Variants in RPSA2 observed in about 807,000 individuals in gnomAD.
RPSA2 encodes ribosomal protein SA 2.
chr19:23,778,526 A>T, the RPSA2 span, among the ~76,000 whole-genome samples: 3,328 of 152,106 alleles, frequency 0.022, 130 homozygotes, highest in African/African-American at 0.076. Flanking sequence ...TCTGTTTTTT[A>T]ACCAGGGCTT....
chr19:23,838,620 T>A, the RPSA2 span, among the ~76,000 whole-genome samples: 1 of 152,216 alleles, frequency 6.6e-6, no homozygotes, highest in African/African-American at 2.4e-5. Context: ...GGTATCTAAT[T>A]CTTCCTGTTT....
the RPSA2 span, among the ~76,000 whole-genome samples, chr19:23,792,660 G>A: frequency 0.32 from 48,315 of 149,148 alleles, 8,059 homozygotes; most frequent in Non-Finnish European, 0.36. Context: ...AATTACAGGC[G>A]CGCACCACCA....
chr19:23,858,790 C>T, the RPSA2 span, among the ~76,000 whole-genome samples: 1 of 152,172 alleles, frequency 6.6e-6, no homozygotes, highest in Non-Finnish European at 1.5e-5. Flanking sequence ...ACAGTGCTGG[C>T]AAATGCTCCG....
At chr19:23,827,168 G>T in the RPSA2 span, 9 of 897,830 alleles carry the variant, frequency 1.0e-5, no homozygotes, top group Non-Finnish European at 1.6e-5. Flanking sequence ...CACAATGTCC[G>T]GAGCCCTTGA....
At chr19:23,829,524 C>A in the RPSA2 span, among the ~76,000 whole-genome samples, 1 of 152,314 alleles carries the variant, frequency 6.6e-6, no homozygotes, top group East Asian at 1.9e-4. Flanking sequence ...TAGTCTTGAA[C>A]TCCTGACTTC....
the RPSA2 span, among the ~76,000 whole-genome samples, chr19:23,825,710 C>T: frequency 6.6e-6 from 1 of 152,204 alleles, no homozygotes; most frequent in African/African-American, 2.4e-5. Flanking sequence ...CCTCAGCCTC[C>T]TATGTAGCTG....
the RPSA2 span, among the ~76,000 whole-genome samples, chr19:23,787,179 G>A: frequency 3.9e-3 from 596 of 152,172 alleles, 3 homozygotes; most frequent in African/African-American, 0.014. Context: ...ACATCGCTGG[G>A]CCCTGCATTG....
the RPSA2 span, among the ~76,000 whole-genome samples, chr19:23,854,730 G>A: frequency 1.3e-5 from 2 of 152,288 alleles, 1 homozygote; most frequent in Middle Eastern, 6.8e-3. Context: ...TGACCAAGTT[G>A]ACTGCAATTA....
chr19:23,841,774 A>G, the RPSA2 span, among the ~76,000 whole-genome samples: 1 of 152,224 alleles, frequency 6.6e-6, no homozygotes, highest in South Asian at 2.1e-4. Context: ...CCTTACACTC[A>G]GTAGCGGCTG....
the RPSA2 span, among the ~76,000 whole-genome samples, chr19:23,869,591 A>C: frequency 2.2e-4 from 33 of 152,274 alleles, no homozygotes; most frequent in Non-Finnish European, 1.3e-4. Flanking sequence ...AAATCATGAC[A>C]CAAACTTCAC....
chr19:23,813,818 G>T, the RPSA2 span, among the ~76,000 whole-genome samples: 3 of 148,016 alleles, frequency 2.0e-5, no homozygotes, highest in Non-Finnish European at 3.0e-5. Context: ...TGCCTCCCAG[G>T]TTCAAGCGAT....
At chr19:23,774,820 T>C in the RPSA2 span, among the ~76,000 whole-genome samples, 2 of 152,174 alleles carry the variant, frequency 1.3e-5, no homozygotes, top group African/African-American at 4.8e-5. Context: ...ATTGAACTTA[T>C]CCCTGACTGA....
the RPSA2 span, among the ~76,000 whole-genome samples, chr19:23,793,712 A>G: frequency 6.6e-6 from 1 of 152,106 alleles, no homozygotes; most frequent in South Asian, 2.1e-4. Context: ...ACAGGTGCCC[A>G]CCACCATCAT....
At chr19:23,800,468 T>C in the RPSA2 span, among the ~76,000 whole-genome samples, 6 of 152,302 alleles carry the variant, frequency 3.9e-5, no homozygotes, top group East Asian at 7.7e-4. Context: ...GAGGGGACTT[T>C]CCCTCTCAGG....
At chr19:23,867,559 G>A in the RPSA2 span, among the ~76,000 whole-genome samples, 2 of 152,080 alleles carry the variant, frequency 1.3e-5, no homozygotes, top group African/African-American at 4.8e-5. Flanking sequence ...GGCCGGGTGC[G>A]GTGGCTCACG....
At chr19:23,830,151 C>G in the RPSA2 span, among the ~76,000 whole-genome samples, 4 of 150,546 alleles carry the variant, frequency 2.7e-5, no homozygotes, top group Admixed American at 2.7e-4. Flanking sequence ...TAACATAGTT[C>G]TTTTTTTGAG....
At chr19:23,841,947 GT>G in the RPSA2 span, among the ~76,000 whole-genome samples, 1 of 152,054 alleles carries the variant, frequency 6.6e-6, no homozygotes, top group Non-Finnish European at 1.5e-5. Context: ...GTTTCTCTTT[GT>G]TTATACTTTG....
At chr19:23,777,878 A>G in the RPSA2 span, among the ~76,000 whole-genome samples, 1 of 152,072 alleles carries the variant, frequency 6.6e-6, no homozygotes, top group African/African-American at 2.4e-5. Flanking sequence ...CCTTCCAGTG[A>G]TATTGTGACA....
chr19:23,772,674 G>A, the RPSA2 span, among the ~76,000 whole-genome samples: 3 of 152,054 alleles, frequency 2.0e-5, no homozygotes, highest in Non-Finnish European at 4.4e-5. Context: ...TGCACACCTC[G>A]CCAACCATTA....
Sources: allele counts gnomAD v4.1 joint callset (sites outside exome capture counted in the v4.1 genomes callset), GRCh38; gene constraint gnomAD v4.1.1; transcripts MANE v1.5; gene names NCBI Gene and HGNC (gene_info 2026-07-23, HGNC 2026-07-21).